The following PTPRT variants were observed in gnomAD, a reference collection of about 807,000 sequenced individuals.
PTPRT encodes the protein protein tyrosine phosphatase receptor type T.
In PTPRT, 56 loss-of-function variants were observed where a neutral mutation model predicts 176.8. The observed-to-expected ratio is 0.32, with a 90% CI of 0.26 to 0.40. PTPRT has a LOEUF of 0.40. Among genes scored for constraint, PTPRT ranks in the 10% least tolerant of loss-of-function variants. The probability of loss-of-function intolerance (pLI) is 1.00; values close to 1 mark genes in which losing one functional copy is unlikely to be tolerated. For synonymous variants in PTPRT, 783 were observed against 739.0 expected (o/e 1.06, Z -0.96); for missense variants, 1,540 against 1,908.2 (o/e 0.81, Z 3.60).
At chr20:42,736,742 T>C (rs937630797) in intron 6 of PTPRT, among the ~76,000 whole-genome samples, 2 of 151,988 alleles carry the variant, frequency 1.3e-5, no homozygotes, top group Admixed American at 6.5e-5. Context: ...CTGTGGGCAA[T>C]AGGGCCTTGG....
At chr20:42,275,143 T>C (rs2147021905) in intron 13 of PTPRT, among the ~76,000 whole-genome samples, 1 of 152,376 alleles carries the variant, frequency 6.6e-6, no homozygotes, top group South Asian at 2.1e-4. Flanking sequence ...ACTGAAACCT[T>C]GTGTCAGCAC....
In PTPRT at chr20:42,379,030, A is replaced by T. The variant is rs181910798; in HGVS notation, c.1561-26745T>A. Reference sequence around the variant, plus strand: ...CTTGGTGCTTCTACCGTGCCCCCACAGCTCCATTTTTGCACTTGGAATGCT... The same window carrying T: ...CTTGGTGCTTCTACCGTGCCCCCACTGCTCCATTTTTGCACTTGGAATGCT... On this transcript the variant is annotated intron_variant, in intron 9 of 30. Coordinates refer to ENST00000373187, the MANE Select transcript of PTPRT (RefSeq NM_007050.6). Among the ~76,000 whole-genome samples, 29 of 152,326 alleles carry T rather than the reference A, an allele frequency of 1.9e-4. 1 individual carries two copies. In the Middle Eastern group the frequency reaches 0.017, roughly 89 times the overall value.
chr20:43,062,062 T>G (rs1987484938), intron 1 of PTPRT, among the ~76,000 whole-genome samples: 1 of 152,130 alleles, frequency 6.6e-6, no homozygotes, highest in South Asian at 2.1e-4. Flanking sequence ...GTGACCAAAA[T>G]CAGGTCACTG....
chr20:42,705,035 A>G (rs1387895695), intron 6 of PTPRT, among the ~76,000 whole-genome samples: 1 of 151,924 alleles, frequency 6.6e-6, no homozygotes, highest in Non-Finnish European at 1.5e-5. Flanking sequence ...GAGAAACCCC[A>G]TCTCTACTAA....
chr20:42,510,897 A>T (rs2071942817), intron 7 of PTPRT, among the ~76,000 whole-genome samples: 1 of 152,144 alleles, frequency 6.6e-6, no homozygotes, highest in African/African-American at 2.4e-5. Context: ...TCCAAAACTC[A>T]TGTTGAAACT....
chr20:42,255,533 C>T (rs1382175366), intron 13 of PTPRT, among the ~76,000 whole-genome samples: 1 of 152,176 alleles, frequency 6.6e-6, no homozygotes, highest in Non-Finnish European at 1.5e-5. Flanking sequence ...AGGATAAAGG[C>T]AGAGCCCCTA....
intron 9 of PTPRT, among the ~76,000 whole-genome samples, chr20:42,406,606 CT>C (rs1844813440): frequency 6.6e-6 from 1 of 151,910 alleles, no homozygotes; most frequent in Admixed American, 6.6e-5. Flanking sequence ...TTTAAATTAT[CT>C]CAGTCCATAT....
intron 7 of PTPRT, among the ~76,000 whole-genome samples, chr20:42,541,082 A>G (rs1472106780): frequency 2.0e-5 from 3 of 152,212 alleles, no homozygotes; most frequent in Non-Finnish European, 4.4e-5. Context: ...ATGCCAAAGA[A>G]CAATTTGATG....
chr20:43,169,974 C>A (rs539669578), intron 1 of PTPRT, among the ~76,000 whole-genome samples: 4 of 152,164 alleles, frequency 2.6e-5, no homozygotes, highest in African/African-American at 9.6e-5. Context: ...AGGTTCCACG[C>A]AGTGCATTAG....
At chr20:42,769,094 C>T (rs567803573) in intron 5 of PTPRT, among the ~76,000 whole-genome samples, 51 of 152,152 alleles carry the variant, frequency 3.4e-4, no homozygotes, top group Non-Finnish European at 5.3e-4. Context: ...ATAACTCTAC[C>T]GAATACTGAG....
chr20:42,877,567 A>G (rs1392383168), intron 2 of PTPRT, among the ~76,000 whole-genome samples: 2 of 152,202 alleles, frequency 1.3e-5, no homozygotes, highest in Non-Finnish European at 2.9e-5. Flanking sequence ...CTCAAGATAC[A>G]TGCTGGGGTC....
At chr20:42,884,522 G>A (rs539094419) in intron 2 of PTPRT, among the ~76,000 whole-genome samples, 1 of 152,170 alleles carries the variant, frequency 6.6e-6, no homozygotes, top group Non-Finnish European at 1.5e-5. Flanking sequence ...GCAGTGGGTT[G>A]TGTAGGTGTA....
intron 2 of PTPRT, among the ~76,000 whole-genome samples, chr20:42,864,124 G>A (rs2078705292): frequency 6.6e-6 from 1 of 152,222 alleles, no homozygotes; most frequent in Non-Finnish European, 1.5e-5. Context: ...GTGAGACCCT[G>A]TGTGGGCGTT....
chr20:42,342,912 G>C (rs2058132984), intron 11 of PTPRT, among the ~76,000 whole-genome samples: 1 of 152,148 alleles, frequency 6.6e-6, no homozygotes, highest in Non-Finnish European at 1.5e-5. Context: ...AGAATCTATG[G>C]TCTTAACTAA....
intron 2 of PTPRT, among the ~76,000 whole-genome samples, chr20:42,801,563 G>A (rs1269123431): frequency 6.6e-6 from 1 of 152,192 alleles, no homozygotes; most frequent in Non-Finnish European, 1.5e-5. Flanking sequence ...TCTGACACTA[G>A]GGGAACAGCA....
chr20:42,577,949 G>T lies in PTPRT; in HGVS notation c.1153+99917C>A, dbSNP rs574279036. Among the ~76,000 whole-genome samples the T allele has an allele frequency of 2.2e-3, 323 of 148,804 alleles. 4 individuals are homozygous for T. The highest frequency in any genetic ancestry group is 6.9e-3 in the Middle Eastern group (2 of 290). On this transcript the variant is annotated intron_variant, in intron 7 of 30. Coordinates refer to ENST00000373187, the MANE Select transcript of PTPRT (RefSeq NM_007050.6). The stretch of plus-strand genomic sequence containing the variant: ...TGTGTGTGTGTGTGTGTGTGTGTGT[G>T]TGTGTGTGTGTGTGTGTGTGTAGGC...
At position 43,142,352 on chromosome 20, in the gene PTPRT, A is replaced by G. The variant is rs185102122; in HGVS notation, c.88+47294T>C. ...CAGGGCACACGACTGTCCCCCGGGC[A>G]GGATTTGAAAGTTGAAGATGGCAGA... On this transcript the variant is annotated intron_variant, in intron 1 of 30. Transcript: ENST00000373187. Among the ~76,000 whole-genome samples, 1,500 of 152,368 alleles carry G rather than the reference A, an allele frequency of 9.8e-3. 15 individuals are homozygous for G. Among genetic ancestry groups the G allele is most frequent in the Non-Finnish European group, 0.014 (941 of 68,022 alleles).
intron 1 of PTPRT, among the ~76,000 whole-genome samples, chr20:43,094,960 T>C (rs537779752): frequency 1.3e-5 from 2 of 152,040 alleles, no homozygotes; most frequent in Non-Finnish European, 1.5e-5. Context: ...AAGCTGAACG[T>C]TGAGGGATGA....
chr20:42,661,299 T>C (rs1389351087), intron 7 of PTPRT, among the ~76,000 whole-genome samples: 2 of 152,214 alleles, frequency 1.3e-5, no homozygotes, highest in Non-Finnish European at 2.9e-5. Context: ...ATATTTATTT[T>C]ATGCTGTAGA....
Sources: allele counts gnomAD v4.1 joint callset (sites outside exome capture counted in the v4.1 genomes callset), GRCh38; gene constraint gnomAD v4.1.1; transcripts MANE v1.5; gene names NCBI Gene and HGNC (gene_info 2026-07-23, HGNC 2026-07-21).